NRG3: variants seen among roughly 807,000 people sequenced by gnomAD.
NRG3 encodes the protein neuregulin 3.
A neutral mutation model predicts 66.9 loss-of-function variants in NRG3; 31 were observed. The observed-to-expected ratio is 0.46, with a 90% CI of 0.35 to 0.63. The LOEUF is 0.63. Among genes scored for constraint, NRG3 ranks in the 20% least tolerant of loss-of-function variants. NRG3 has a pLI of 0.00. For synonymous variants in NRG3, 393 were observed against 359.4 expected (o/e 1.09, Z -1.06); for missense variants, 910 against 878.9 (o/e 1.04, Z -0.45).
chr10:82,201,744 A>G (rs757189600), intron 1 of NRG3, among the ~76,000 whole-genome samples: 1 of 152,156 alleles, frequency 6.6e-6, no homozygotes, highest in Non-Finnish European at 1.5e-5. Flanking sequence ...AAGGGAAACC[A>G]TGTAACACCC....
At chr10:82,352,159 G>T (rs1379170450) in intron 1 of NRG3, among the ~76,000 whole-genome samples, 1 of 152,190 alleles carries the variant, frequency 6.6e-6, no homozygotes, top group African/African-American at 2.4e-5. Flanking sequence ...AGCAGGTGAT[G>T]AGTTAGTTAT....
At position 82,348,715 on chromosome 10, in the gene NRG3, T is replaced by C. The variant is rs919008174; in HGVS notation, c.824-10024T>C. ...CACTTTCAGGTACACCAATCAGACGTAGATTTGGTCTTTTCACATAGTCCC... is the reference window on the plus strand; with the variant it reads ...CACTTTCAGGTACACCAATCAGACGCAGATTTGGTCTTTTCACATAGTCCC... On this transcript the variant is annotated intron_variant, in intron 1 of 8. Coordinates refer to ENST00000372141, the MANE Select transcript of NRG3 (RefSeq NM_001010848.4). Among the ~76,000 whole-genome samples, 1,160 of 151,140 alleles carry C rather than the reference T, an allele frequency of 7.7e-3. 12 individuals carry two copies. Among genetic ancestry groups the C allele is most frequent in the African/African-American group, 0.026 (1,068 of 41,122 alleles).
At chr10:82,821,068 G>T (rs1266008157) in intron 3 of NRG3, among the ~76,000 whole-genome samples, 1 of 152,106 alleles carries the variant, frequency 6.6e-6, no homozygotes, top group Non-Finnish European at 1.5e-5. Context: ...TTCAAGCAAG[G>T]TATTTACTTC....
intron 1 of NRG3, among the ~76,000 whole-genome samples, chr10:82,001,537 G>T (rs1321887850): frequency 6.6e-6 from 1 of 151,372 alleles, no homozygotes; most frequent in African/African-American, 2.4e-5. Context: ...GGGGAAACGA[G>T]GAAAGAAGGA....
At chr10:82,553,772 A>G (rs1209902306) in intron 2 of NRG3, among the ~76,000 whole-genome samples, 2 of 152,120 alleles carry the variant, frequency 1.3e-5, no homozygotes, top group East Asian at 3.9e-4. Context: ...AACTAATAAA[A>G]GTTTCTCCCA....
intron 2 of NRG3, among the ~76,000 whole-genome samples, chr10:82,399,013 A>G (rs1039198986): frequency 5.9e-5 from 9 of 152,210 alleles, no homozygotes; most frequent in Admixed American, 5.2e-4. Context: ...AACTTCTACA[A>G]TTTCTGAGAC....
Position 82,449,467 on chromosome 10 carries a change from G to A in NRG3, c.953+90599G>A, listed in dbSNP as rs181259007. On this transcript the variant is annotated intron_variant, in intron 2 of 8. Coordinates refer to ENST00000372141, the MANE Select transcript of NRG3 (RefSeq NM_001010848.4). Reference sequence around the variant, plus strand: ...TGAAATCATCTTTGCATTTGCCTTAGCTTGCGGCTGGTCTGGCTTCTGAGA... The same window carrying A: ...TGAAATCATCTTTGCATTTGCCTTAACTTGCGGCTGGTCTGGCTTCTGAGA... 8.5e-5 allele frequency among the ~76,000 whole-genome samples: 13 copies of A among 152,322 alleles called. No individual in the cohort carries two copies. In the East Asian group the frequency reaches 2.5e-3, roughly 29 times the overall value.
intron 1 of NRG3, among the ~76,000 whole-genome samples, chr10:82,252,932 G>A (rs1044164490): frequency 7.2e-5 from 11 of 151,930 alleles, no homozygotes; most frequent in Non-Finnish European, 1.5e-4. Context: ...CTAGAACATC[G>A]CCCAAAGCCA....
chr10:82,194,914 C>G (rs1469425120), intron 1 of NRG3, among the ~76,000 whole-genome samples: 1 of 151,944 alleles, frequency 6.6e-6, no homozygotes, highest in Non-Finnish European at 1.5e-5. Context: ...TTTTCAAAGC[C>G]CTGTTCTCCT....
intron 3 of NRG3, among the ~76,000 whole-genome samples, chr10:82,782,039 TC>T (rs1317087584): frequency 6.6e-6 from 1 of 152,168 alleles, no homozygotes; most frequent in Non-Finnish European, 1.5e-5. Flanking sequence ...AGATGTATCA[TC>T]TTTTTCCACC....
In NRG3 at chr10:82,088,984, C is replaced by A. The variant is rs184786642; in HGVS notation, c.823+212821C>A. Among the ~76,000 whole-genome samples, 180 of 151,838 alleles carry A rather than the reference C, an allele frequency of 1.2e-3. 2 individuals are homozygous for A. Among genetic ancestry groups the A allele is most frequent in the African/African-American group, 4.2e-3 (175 of 41,330 alleles). ...AGTGGGTGCTCAACTTAAAAACCAG[C>A]AGAGAAGATTTTTTTTTTTGTAAAG... On this transcript the variant is annotated intron_variant, in intron 1 of 8. Transcript: ENST00000372141.
intron 1 of NRG3, among the ~76,000 whole-genome samples, chr10:82,154,357 C>A (rs1327547284): frequency 6.6e-6 from 1 of 151,830 alleles, no homozygotes; most frequent in African/African-American, 2.4e-5. Flanking sequence ...ATTCTTGGCA[C>A]CTTTGTCAAA....
At chr10:82,815,387 T>C (rs1205110867) in intron 3 of NRG3, among the ~76,000 whole-genome samples, 1 of 152,142 alleles carries the variant, frequency 6.6e-6, no homozygotes, top group Non-Finnish European at 1.5e-5. Flanking sequence ...TTTGGGGAAA[T>C]GTATGAGGTG....
intron 2 of NRG3, among the ~76,000 whole-genome samples, chr10:82,614,631 A>C (rs1385170817): frequency 1.3e-5 from 2 of 152,178 alleles, no homozygotes; most frequent in Non-Finnish European, 2.9e-5. Flanking sequence ...ACTTGCATGA[A>C]TTTCAGAAGT....
chr10:82,311,551 C>A (rs1289985044), intron 1 of NRG3, among the ~76,000 whole-genome samples: 2 of 152,034 alleles, frequency 1.3e-5, no homozygotes, highest in Non-Finnish European at 2.9e-5. Flanking sequence ...CGAATAGCAA[C>A]AACAACAACA....
At chr10:82,809,829 A>G (rs1238963365) in intron 3 of NRG3, among the ~76,000 whole-genome samples, 5 of 151,950 alleles carry the variant, frequency 3.3e-5, no homozygotes, top group Non-Finnish European at 5.9e-5. Flanking sequence ...TTACACCCCC[A>G]TTCTCACAAT....
intron 2 of NRG3, among the ~76,000 whole-genome samples, chr10:82,485,412 G>A (rs1049980436): frequency 6.6e-6 from 1 of 150,450 alleles, no homozygotes; most frequent in Non-Finnish European, 1.5e-5. Context: ...CAAGTACCAA[G>A]AAAGCTTCTG....
chr10:82,349,391 A>C (rs2083259060), intron 1 of NRG3, among the ~76,000 whole-genome samples: 1 of 151,410 alleles, frequency 6.6e-6, no homozygotes, highest in African/African-American at 2.4e-5. Context: ...GTCAGGGGTC[A>C]GGGACCCACT....
At chr10:82,217,685 C>T (rs763376215) in intron 1 of NRG3, among the ~76,000 whole-genome samples, 44 of 151,620 alleles carry the variant, frequency 2.9e-4, no homozygotes, top group Non-Finnish European at 5.0e-4. Context: ...GGACACTGAG[C>T]GTTCTTCAAA....
Sources: gnomAD v4.1 joint callset for allele counts (sites outside exome capture counted in the v4.1 genomes callset) on GRCh38, gnomAD v4.1.1 for gene constraint, MANE v1.5 for transcripts, NCBI Gene and HGNC (gene_info 2026-07-23, HGNC 2026-07-21) for gene names.